PCDHA12: variants seen among roughly 807,000 people sequenced by gnomAD.
The protein encoded by PCDHA12 is protocadherin alpha 12, also known as protocadherin alpha-12.
In PCDHA12, 44 loss-of-function variants were observed where a neutral mutation model predicts 60.0. The ratio of observed to expected loss-of-function variants is 0.73; its 90% CI spans 0.58 to 0.94. The LOEUF is 0.94. Ranked by LOEUF, PCDHA12 falls within the 40% of genes least tolerant of loss-of-function variation. PCDHA12 has a pLI of 0.00. For synonymous variants in PCDHA12, 569 were observed against 553.0 expected, an observed-to-expected ratio of 1.03 and a Z score of -0.40; for missense variants, 1,276 against 1,239.7, an observed-to-expected ratio of 1.03 and a Z score of -0.44.
chr5:140,929,307 C>A, intron 1 of PCDHA12: 1 of 1,570,164 alleles, frequency 6.4e-7, no homozygotes, highest in Non-Finnish European at 8.7e-7. Flanking sequence ...AAGGGGATCA[C>A]GCTAATGTCA....
intron 1 of PCDHA12, among the ~76,000 whole-genome samples, chr5:140,971,436 C>G (rs2153789972): frequency 6.6e-6 from 1 of 152,278 alleles, no homozygotes; most frequent in Non-Finnish European, 1.5e-5. Flanking sequence ...ACCCCAAGAT[C>G]TACAGCTCCA....
chr5:140,945,614 A>G lies in PCDHA12; in HGVS notation c.2368-33335A>G, dbSNP rs2093816394. Among the ~76,000 whole-genome samples the G allele has an allele frequency of 2.0e-5, 3 of 152,278 alleles. No homozygotes were observed. The South Asian group carries it at 6.2e-4, about 32-fold the overall frequency. ...TCAAAGCTATAATAATCAAAACAGC[A>G]TGGTACTGGCATAAAAGACATGTAG... On this transcript the variant is annotated intron_variant, in intron 1 of 3. Coordinates refer to ENST00000398631, the MANE Select transcript of PCDHA12 (RefSeq NM_018903.4).
intron 1 of PCDHA12, chr5:140,966,716 G>T: frequency 1.4e-6 from 2 of 1,394,682 alleles, no homozygotes; most frequent in Non-Finnish European, 9.2e-7. Context: ...CACGGCTGGG[G>T]AAGCTGCCGC....
At chr5:140,882,767 G>GC in intron 1 of PCDHA12, 1 of 1,614,176 alleles carries the variant, frequency 6.2e-7, no homozygotes, top group Non-Finnish European at 8.5e-7. Context: ...AGTAAACTCG[G>GC]CATTGACCTA....
chr5:140,939,894 T>G (rs1554213013), intron 1 of PCDHA12, among the ~76,000 whole-genome samples: 2 of 152,220 alleles, frequency 1.3e-5, no homozygotes, highest in Non-Finnish European at 2.9e-5. Context: ...TGTTCAAATA[T>G]TCTGCATTCT....
Position 140,876,715 on chromosome 5 carries a change from C to A in PCDHA12, c.1243C>A (p.Arg415Ser), listed in dbSNP as rs570565884. 7 of 1,614,232 alleles carry A rather than the reference C, an allele frequency of 4.3e-6. No individual in the cohort carries two copies. Among genetic ancestry groups the A allele is most frequent in the East Asian group, 2.2e-5 (1 of 44,880 alleles). ...YSLVLDSALDRESVSAYELVV... is the reference protein window; with the variant it reads ...YSLVLDSALDSESVSAYELVV... ...GTTGGTGCTGGACAGCGCCCTGGACCGCGAGAGCGTGTCGGCCTATGAGCT... is the reference window on the plus strand; with the variant it reads ...GTTGGTGCTGGACAGCGCCCTGGACAGCGAGAGCGTGTCGGCCTATGAGCT... The change falls in exon 1 of 4, where the codon CGC (arginine) becomes AGC (serine). Residue 415 changes from arginine (R) to serine (S), a missense_variant. Arg to Ser is a moderately radical substitution (Grantham distance 110, BLOSUM62 -1). Transcript: ENST00000398631.
chr5:140,983,523 T>G (rs1186391173), intron 3 of PCDHA12, among the ~76,000 whole-genome samples: 1 of 152,224 alleles, frequency 6.6e-6, no homozygotes, highest in East Asian at 1.9e-4. Flanking sequence ...CTGTGCCAAG[T>G]ACATTGTATG....
chr5:140,926,903 G>GT, intron 1 of PCDHA12: 1 of 1,558,060 alleles, frequency 6.4e-7, no homozygotes, highest in Non-Finnish European at 8.7e-7. Context: ...ATGGTGGGCT[G>GT]TGGGGTGGCA....
intron 1 of PCDHA12, among the ~76,000 whole-genome samples, chr5:140,963,054 T>G (rs1554226381): frequency 6.6e-6 from 1 of 152,174 alleles, no homozygotes; most frequent in Non-Finnish European, 1.5e-5. Flanking sequence ...TATAAGGGTT[T>G]CTACATTGTG....
At chr5:140,968,683 A>G (rs782664501) in intron 1 of PCDHA12, 7 of 1,614,164 alleles carry the variant, frequency 4.3e-6, no homozygotes. Flanking sequence ...AGCTGCACAC[A>G]GGAGAAATTA....
intron 1 of PCDHA12, chr5:140,928,860 G>A: frequency 1.2e-6 from 2 of 1,614,154 alleles, no homozygotes; most frequent in Non-Finnish European, 1.7e-6. Flanking sequence ...GTGTGCTGTT[G>A]AGCAACTCTG....
At chr5:140,928,309 G>A (rs1554205732) in intron 1 of PCDHA12, 1 of 1,614,122 alleles carries the variant, frequency 6.2e-7, no homozygotes, top group Non-Finnish European at 8.5e-7. Context: ...CCAGGACCCC[G>A]ACCTGGGGAA....
At chr5:141,000,391 CTCTCTATATATA>C (rs1452985170) in intron 3 of PCDHA12, among the ~76,000 whole-genome samples, 26 of 56,648 alleles carry the variant, frequency 4.6e-4, no homozygotes, top group Middle Eastern at 0.011. Flanking sequence ...CTCTCTCTCT[CTCTCTATATATA>C]TATATATATA....
chr5:140,903,420 G>A (rs1562939328), intron 1 of PCDHA12, among the ~76,000 whole-genome samples: 1 of 152,150 alleles, frequency 6.6e-6, no homozygotes, highest in Non-Finnish European at 1.5e-5. Flanking sequence ...GAAAAATTCA[G>A]CACAATATGT....
intron 1 of PCDHA12, among the ~76,000 whole-genome samples, chr5:140,920,124 G>A (rs1261931835): frequency 2.6e-5 from 4 of 152,152 alleles, no homozygotes; most frequent in African/African-American, 4.8e-5. Flanking sequence ...AACATCTTGA[G>A]TTTTAATTCT....
At chr5:140,919,166 GT>G (rs1382267419) in intron 1 of PCDHA12, among the ~76,000 whole-genome samples, 15 of 152,114 alleles carry the variant, frequency 9.9e-5, no homozygotes, top group Admixed American at 9.8e-4. Context: ...TATGTTTTTA[GT>G]TGCTATATCT....
At chr5:140,935,073 A>G (rs77827614) in intron 1 of PCDHA12, among the ~76,000 whole-genome samples, 63 of 152,260 alleles carry the variant, frequency 4.1e-4, no homozygotes, top group African/African-American at 1.3e-3. Context: ...ATTATCTTGT[A>G]CATTTCCTTT....
At chr5:140,969,241 A>G (rs1554231627) in intron 1 of PCDHA12, 2 of 1,614,230 alleles carry the variant, frequency 1.2e-6, no homozygotes, top group Admixed American at 3.3e-5. Context: ...CCCAAGCAGC[A>G]GTGACTGACA....
intron 1 of PCDHA12, chr5:140,967,928 A>T (rs1438894870): frequency 3.1e-6 from 5 of 1,614,082 alleles, no homozygotes; most frequent in Non-Finnish European, 3.4e-6. Flanking sequence ...GGCCGTTCTC[A>T]GTGTCAATGA....
Sources: gnomAD v4.1 joint callset for allele counts (sites outside exome capture counted in the v4.1 genomes callset) on GRCh38, gnomAD v4.1.1 for gene constraint, MANE v1.5 for transcripts, NCBI Gene and HGNC (gene_info 2026-07-23, HGNC 2026-07-21) for gene names.